CTNNBL1: variants seen among roughly 807,000 people sequenced by gnomAD.
The protein encoded by CTNNBL1 is beta-catenin-like protein 1.
Under a neutral mutation model 72.7 loss-of-function variants are expected in CTNNBL1, and 31 were observed. The ratio of observed to expected loss-of-function variants is 0.43; its 90% CI spans 0.32 to 0.58. CTNNBL1 has a LOEUF of 0.58. Ranked by LOEUF, CTNNBL1 falls within the 20% of genes least tolerant of loss-of-function variation. The pLI, the probability that CTNNBL1 is intolerant of heterozygous loss-of-function variation, is 0.08. For synonymous variants in CTNNBL1, 240 were observed against 267.3 expected, an observed-to-expected ratio of 0.90 and a Z score of 1.00; for missense variants, 534 against 725.1, an observed-to-expected ratio of 0.74 and a Z score of 3.03.
chr20:37,717,722 G>A (rs1426841700), intron 1 of CTNNBL1, among the ~76,000 whole-genome samples: 2 of 152,032 alleles, frequency 1.3e-5, no homozygotes, highest in Non-Finnish European at 2.9e-5. Flanking sequence ...GTGGACAAAG[G>A]TCTCTGGTTT....
chr20:37,696,546 C>T (rs2072793874), intron 1 of CTNNBL1, among the ~76,000 whole-genome samples: 1 of 144,794 alleles, frequency 6.9e-6, no homozygotes, highest in Admixed American at 7.5e-5. Context: ...TGGGTTCAAG[C>T]GATTCTCCTG....
intron 7 of CTNNBL1, chr20:37,777,138 A>G (rs2122687536): frequency 2.0e-6 from 1 of 508,432 alleles, no homozygotes; most frequent in East Asian, 3.3e-5. Context: ...CTGGGCATTA[A>G]GAGTGTGAGA....
intron 1 of CTNNBL1, among the ~76,000 whole-genome samples, chr20:37,705,109 C>T (rs2072874323): frequency 6.6e-6 from 1 of 152,186 alleles, no homozygotes; most frequent in African/African-American, 2.4e-5. Context: ...GTTAGGCATC[C>T]CTTAATGTTT....
chr20:37,861,285 T>A (rs1352947678), intron 15 of CTNNBL1, among the ~76,000 whole-genome samples: 1 of 152,224 alleles, frequency 6.6e-6, no homozygotes, highest in Non-Finnish European at 1.5e-5. Context: ...TGACTGGACC[T>A]GACTCAGCTG....
intron 1 of CTNNBL1, among the ~76,000 whole-genome samples, chr20:37,707,921 G>A (rs1488145242): frequency 7.0e-6 from 1 of 142,334 alleles, no homozygotes; most frequent in Non-Finnish European, 1.6e-5. Context: ...AGAATAGGGA[G>A]ACCTGAGGAG....
intron 1 of CTNNBL1, among the ~76,000 whole-genome samples, chr20:37,711,223 G>A (rs1168880646): frequency 3.3e-5 from 5 of 152,124 alleles, no homozygotes; most frequent in African/African-American, 4.8e-5. Flanking sequence ...GTGAGTTCTC[G>A]TCTTATCTCC....
chr20:37,715,351 T>C (rs1568747925), intron 1 of CTNNBL1, among the ~76,000 whole-genome samples: 1 of 152,232 alleles, frequency 6.6e-6, no homozygotes, highest in Non-Finnish European at 1.5e-5. Flanking sequence ...ATCACCTACC[T>C]AGAAGAGTTG....
chr20:37,732,713 G>A (rs1422558506), intron 1 of CTNNBL1, among the ~76,000 whole-genome samples, 166 bp from the exon 2 acceptor site: 1 of 152,070 alleles, frequency 6.6e-6, no homozygotes, highest in Middle Eastern at 3.2e-3. Context: ...TGTATTTTTT[G>A]TAGAGTCAGG....
At chr20:37,770,941 T>C (rs2073517153) in intron 7 of CTNNBL1, among the ~76,000 whole-genome samples, 1 of 152,236 alleles carries the variant, frequency 6.6e-6, no homozygotes. Context: ...CTTGCTCTTA[T>C]TTCTCATAAT....
At chr20:37,771,544 T>G (rs1171705087) in intron 7 of CTNNBL1, among the ~76,000 whole-genome samples, 1 of 151,704 alleles carries the variant, frequency 6.6e-6, no homozygotes, top group Non-Finnish European at 1.5e-5. Flanking sequence ...TTTGAAACAT[T>G]GGCCTTTGTT....
At chr20:37,764,510 T>C (rs1304951541) in intron 5 of CTNNBL1, among the ~76,000 whole-genome samples, 5 of 151,998 alleles carry the variant, frequency 3.3e-5, no homozygotes, top group African/African-American at 1.2e-4. Context: ...GTCACTAATG[T>C]CTTGAACATC....
At chr20:37,870,269 C>T (rs1343096045) in intron 15 of CTNNBL1, among the ~76,000 whole-genome samples, 8 of 152,084 alleles carry the variant, frequency 5.3e-5, no homozygotes, top group Middle Eastern at 3.2e-3. Context: ...CCTCCTGCCA[C>T]TGGAGACATA....
chr20:37,862,620 G>A (rs949738643), intron 15 of CTNNBL1, among the ~76,000 whole-genome samples: 1 of 152,140 alleles, frequency 6.6e-6, no homozygotes, highest in African/African-American at 2.4e-5. Context: ...CTGGGCAAGC[G>A]AGCAGGTGAG....
intron 1 of CTNNBL1, among the ~76,000 whole-genome samples, chr20:37,698,806 G>A (rs761598077): frequency 6.6e-6 from 1 of 152,174 alleles, no homozygotes; most frequent in African/African-American, 2.4e-5. Context: ...AGCACTTTGG[G>A]AGGCCAAGGC....
intron 11 of CTNNBL1, among the ~76,000 whole-genome samples, chr20:37,822,819 G>A (rs533484615): frequency 1.3e-5 from 2 of 152,314 alleles, no homozygotes; most frequent in South Asian, 4.1e-4. Context: ...AATATTAAGT[G>A]AGAAAGAGTA....
intron 12 of CTNNBL1, chr20:37,842,113 G>A: frequency 2.2e-6 from 1 of 463,662 alleles, no homozygotes; most frequent in East Asian, 3.3e-5. Context: ...TCGGGAATGG[G>A]CCTGGTTCAA....
At chr20:37,712,391 A>G (rs886734240) in intron 1 of CTNNBL1, among the ~76,000 whole-genome samples, 9 of 152,208 alleles carry the variant, frequency 5.9e-5, no homozygotes, top group Non-Finnish European at 1.2e-4. Context: ...ACAGTTGCAG[A>G]TGGTCTGAAG....
intron 11 of CTNNBL1, among the ~76,000 whole-genome samples, chr20:37,816,838 A>C (rs1600506289): frequency 1.3e-5 from 2 of 152,248 alleles, no homozygotes; most frequent in Middle Eastern, 6.9e-3. Context: ...ATTACTAATA[A>C]ATCATGTCTA....
intron 11 of CTNNBL1, among the ~76,000 whole-genome samples, chr20:37,836,467 CT>C (rs1195516273): frequency 6.6e-6 from 1 of 152,194 alleles, no homozygotes; most frequent in East Asian, 1.9e-4. Flanking sequence ...ATGTTCTCTC[CT>C]TTTCTCTGCC....
Sources: gnomAD v4.1 joint callset for allele counts (sites outside exome capture counted in the v4.1 genomes callset) on GRCh38, gnomAD v4.1.1 for gene constraint, MANE v1.5 for transcripts, NCBI Gene and HGNC (gene_info 2026-07-23, HGNC 2026-07-21) for gene names.